The following ST6GALNAC3 variants were observed in gnomAD, a reference collection of about 807,000 sequenced individuals.
The protein encoded by ST6GALNAC3 is ST6 N-acetylgalactosaminide alpha-2,6-sialyltransferase 3.
ST6GALNAC3 carries 25 observed loss-of-function variants against 32.7 expected under a neutral mutation model. The ratio of observed to expected loss-of-function variants is 0.76; its 90% CI spans 0.56 to 1.07. ST6GALNAC3 has a LOEUF of 1.07. Ranked by LOEUF, ST6GALNAC3 falls within the 50% of genes least tolerant of loss-of-function variation. The pLI is 0.00. For synonymous variants in ST6GALNAC3, 129 were observed against 133.1 expected (o/e 0.97, Z 0.21); for missense variants, 355 against 382.4 (o/e 0.93, Z 0.60).
chr1:76,082,865 T>G, intron 1 of ST6GALNAC3, among the ~76,000 whole-genome samples: 1 of 150,394 alleles, frequency 6.6e-6, no homozygotes, highest in African/African-American at 2.4e-5. Flanking sequence ...TTGGGTCGTT[T>G]TCGTGTTTTT....
At chr1:76,106,212 T>A (rs190515574) in intron 1 of ST6GALNAC3, among the ~76,000 whole-genome samples, 2 of 152,232 alleles carry the variant, frequency 1.3e-5, no homozygotes, top group Admixed American at 6.5e-5. Context: ...TGAAATCCAA[T>A]GGGAAATTTT....
At chr1:76,195,331 A>G (rs1415659975) in intron 1 of ST6GALNAC3, among the ~76,000 whole-genome samples, 1 of 152,236 alleles carries the variant, frequency 6.6e-6, no homozygotes, top group Non-Finnish European at 1.5e-5. Flanking sequence ...AACTCAAACA[A>G]TTGCACAAGT....
intron 3 of ST6GALNAC3, chr1:76,412,940 A>C (rs994645237): frequency 3.1e-6 from 1 of 318,526 alleles, no homozygotes; most frequent in African/African-American, 2.2e-5. Context: ...GTTCAGCAGA[A>C]TACCATATTG....
At chr1:76,387,565 A>G (rs1319147020) in intron 2 of ST6GALNAC3, among the ~76,000 whole-genome samples, 1 of 152,064 alleles carries the variant, frequency 6.6e-6, no homozygotes, top group African/African-American at 2.4e-5. Context: ...TCCTCAGTAG[A>G]GTTTTCTGCC....
chr1:76,432,097 A>G (rs1380208488), intron 3 of ST6GALNAC3, among the ~76,000 whole-genome samples: 1 of 152,170 alleles, frequency 6.6e-6, no homozygotes, highest in East Asian at 1.9e-4. Context: ...AATCCTTTTC[A>G]GACTAGATTC....
intron 3 of ST6GALNAC3, among the ~76,000 whole-genome samples, chr1:76,455,780 A>T (rs1156853957): frequency 6.6e-6 from 1 of 151,990 alleles, no homozygotes; most frequent in Non-Finnish European, 1.5e-5. Context: ...GATATCCTGG[A>T]CTCTTAGTCT....
chr1:76,601,242 C>G (rs1047497911), intron 3 of ST6GALNAC3, among the ~76,000 whole-genome samples: 2 of 151,884 alleles, frequency 1.3e-5, no homozygotes, highest in Non-Finnish European at 2.9e-5. Flanking sequence ...GGAAAGTATT[C>G]TATTTCAGGA....
At chr1:76,442,560 A>G (rs890309582) in intron 3 of ST6GALNAC3, among the ~76,000 whole-genome samples, 2 of 152,166 alleles carry the variant, frequency 1.3e-5, no homozygotes, top group Admixed American at 6.5e-5. Context: ...GTGAGTCATG[A>G]TGGAAAAAAG....
At chr1:76,081,285 T>TAAAAA (rs10526487) in intron 1 of ST6GALNAC3, among the ~76,000 whole-genome samples, 1 of 120,570 alleles carries the variant, frequency 8.3e-6, no homozygotes, top group Non-Finnish European at 1.7e-5. Flanking sequence ...GCTGGTGAGC[T>TAAAAA]AAAAAAAAAA....
chr1:76,441,163 T>C (rs1462732810), intron 3 of ST6GALNAC3, among the ~76,000 whole-genome samples: 4 of 151,854 alleles, frequency 2.6e-5, no homozygotes, highest in African/African-American at 9.7e-5. Context: ...TAATATGGAC[T>C]TGCTCAACAT....
In ST6GALNAC3 at chr1:76,403,304, CA is replaced by C. The variant is rs574203810; in HGVS notation, c.214-8700del. Among the ~76,000 whole-genome samples, 313 of 152,222 alleles carry C rather than the reference CA, an allele frequency of 2.1e-3. 3 individuals are homozygous for C. The highest frequency in any genetic ancestry group is 1.1e-3 in the Non-Finnish European group (78 of 67,988). On this transcript the variant is annotated intron_variant, in intron 2 of 4. Transcript: ENST00000328299. The stretch of plus-strand genomic sequence containing the variant: ...TCCAGTATACTCTCCATTTGCTCTT[CA>C]AAATGTCTGACTTCTAGGGCTGACT...
At chr1:76,367,829 C>A (rs1650496571) in intron 2 of ST6GALNAC3, among the ~76,000 whole-genome samples, 1 of 152,124 alleles carries the variant, frequency 6.6e-6, no homozygotes, top group South Asian at 2.1e-4. Context: ...TGGTGCCCCC[C>A]AGTACCTTGG....
chr1:76,296,524 C>G (rs971328884), intron 1 of ST6GALNAC3, among the ~76,000 whole-genome samples: 2 of 152,094 alleles, frequency 1.3e-5, no homozygotes, highest in African/African-American at 4.8e-5. Context: ...ATTCCTGTTG[C>G]CTTTCATATG....
chr1:76,239,875 G>A (rs754238277), intron 1 of ST6GALNAC3, among the ~76,000 whole-genome samples: 2 of 152,188 alleles, frequency 1.3e-5, no homozygotes, highest in Non-Finnish European at 2.9e-5. Flanking sequence ...GCTAATAGAA[G>A]TTTAGTCTGT....
At chr1:76,507,981 G>A (rs559609931) in intron 3 of ST6GALNAC3, among the ~76,000 whole-genome samples, 6 of 152,300 alleles carry the variant, frequency 3.9e-5, no homozygotes, top group African/African-American at 1.4e-4. Flanking sequence ...TAGTGGATGT[G>A]AAGCAGCACC....
At chr1:76,152,362 A>G (rs1224636135) in intron 1 of ST6GALNAC3, among the ~76,000 whole-genome samples, 2 of 152,212 alleles carry the variant, frequency 1.3e-5, no homozygotes, top group Non-Finnish European at 2.9e-5. Context: ...ATCTTATCAC[A>G]GAGAAGCAGC....
At chr1:76,414,961 T>C (rs1157900566) in intron 3 of ST6GALNAC3, among the ~76,000 whole-genome samples, 1 of 152,032 alleles carries the variant, frequency 6.6e-6, no homozygotes, top group Non-Finnish European at 1.5e-5. Context: ...TAGCAATTGA[T>C]TGATATGTGT....
At chr1:76,163,627 T>C (rs1225756259) in intron 1 of ST6GALNAC3, among the ~76,000 whole-genome samples, 1 of 152,234 alleles carries the variant, frequency 6.6e-6, no homozygotes, top group East Asian at 1.9e-4. Context: ...TGGCATGTTA[T>C]AGTTTAATTG....
chr1:76,412,168 T>C lies in ST6GALNAC3; in HGVS notation c.374T>C (p.Ile125Thr). ...GAAGATGTCGGCCGCATGACCATGA[T>C]TCGAGTTGTGTCCCATACCAGCGTT... The part of the protein sequence containing the change: ...YEEDVGRMTM[I>T]RVVSHTSVPL... The change falls in exon 3 of 5, where the codon ATT (isoleucine) becomes ACT (threonine). Residue 125 changes from isoleucine to threonine, a missense_variant. Ile to Thr is a moderately conservative substitution (Grantham distance 89). Coordinates refer to ENST00000328299, the MANE Select transcript of ST6GALNAC3 (RefSeq NM_152996.4). 3.1e-6 allele frequency: 5 copies of C among 1,613,722 alleles called. No individual in the cohort carries two copies. Among genetic ancestry groups the C allele is most frequent in the Non-Finnish European group, 4.2e-6 (5 of 1,179,802 alleles).
Sources: gnomAD v4.1 joint callset for allele counts (sites outside exome capture counted in the v4.1 genomes callset) on GRCh38, gnomAD v4.1.1 for gene constraint, MANE v1.5 for transcripts, NCBI Gene and HGNC (gene_info 2026-07-23, HGNC 2026-07-21) for gene names.